Variants in ARHGEF28 observed in about 807,000 individuals in gnomAD.
ARHGEF28 encodes Rho guanine nucleotide exchange factor 28, also known as 190 kDa guanine nucleotide exchange factor.
In ARHGEF28, 152 loss-of-function variants were observed where a neutral mutation model predicts 206.6. The ratio of observed to expected loss-of-function variants is 0.74; its 90% CI spans 0.64 to 0.84. The LOEUF (loss-of-function observed/expected upper bound fraction) is 0.84. Among genes scored for constraint, ARHGEF28 ranks in the 40% least tolerant of loss-of-function variants. The pLI is 0.00. For missense variants in ARHGEF28, 2,028 were observed against 2,073.2 expected, an observed-to-expected ratio of 0.98 and a Z score of 0.42; for synonymous variants, 763 against 776.4, an observed-to-expected ratio of 0.98 and a Z score of 0.29.
intron 9 of ARHGEF28, among the ~76,000 whole-genome samples, chr5:73,816,481 T>C (rs554832155): frequency 1.3e-5 from 2 of 152,310 alleles, no homozygotes; most frequent in South Asian, 4.2e-4. Context: ...TACTGGCTTG[T>C]TGGCAAACCT....
In ARHGEF28 at chr5:73,857,582, C is replaced by T; in HGVS notation, c.1791-74C>T. On this transcript the variant is annotated intron_variant, in intron 14 of 35. Transcript: ENST00000513042. The stretch of plus-strand genomic sequence containing the variant: ...ATATGTGTACACACACACACACACA[C>T]ACACATACACACACACGTATATGCT... 3 of 1,399,112 alleles carry T rather than the reference C, an allele frequency of 2.1e-6. No homozygotes were observed. The Admixed American group carries it at 6.8e-5, about 32-fold the overall frequency. The allele number at this position is 1,399,112 out of a possible 1,614,324, so 86.7% of individuals were successfully genotyped here.
In ARHGEF28 at chr5:73,846,119, A is replaced by T; in HGVS notation, c.1428-149A>T. On this transcript the variant is annotated intron_variant, in intron 11 of 35. Transcript: ENST00000513042. ...AAAGAGATTTGGAGGGAGGAGAAAA[A>T]GGCTAATTAAATACTAGTTGGAAAT... 3 of 679,634 alleles carry T rather than the reference A, an allele frequency of 4.4e-6. No individual in the cohort carries two copies. In the South Asian group the frequency reaches 6.0e-5, roughly 14 times the overall value. 42.1% of individuals were successfully genotyped at this position (679,634 alleles called of 1,614,324 possible). A position where few individuals can be genotyped will look rare whatever the true frequency, so the allele number is the denominator to read the frequency against.
intron 28 of ARHGEF28, 82 bp downstream of exon 28, chr5:73,893,370 T>G: frequency 8.9e-7 from 1 of 1,125,982 alleles, no homozygotes. Flanking sequence ...AACAGGAGGT[T>G]ATAACTACAT....
Position 73,840,462 on chromosome 5 carries a change from TTTTC to T in ARHGEF28, c.1147-13_1147-10del. On this transcript the variant is annotated splice_polypyrimidine_tract_variant and intron_variant, in intron 10 of 35. Transcript: ENST00000513042. Reference sequence around the variant, plus strand: ...TTACCTGCTTTTACTCAGGAAATGTTTTTCTTTCAACTTCCAGGTTGGTGATTTG... The same window carrying T: ...TTACCTGCTTTTACTCAGGAAATGTTTTTCAACTTCCAGGTTGGTGATTTG... 6.2e-7 allele frequency: 1 copy of T among 1,606,514 alleles called. No individual in the cohort carries two copies. Among genetic ancestry groups the T allele is most frequent in the Non-Finnish European group, 8.5e-7 (1 of 1,175,554 alleles).
chr5:73,778,647 G>A (rs1009863515), intron 6 of ARHGEF28, among the ~76,000 whole-genome samples: 2 of 152,054 alleles, frequency 1.3e-5, no homozygotes, highest in African/African-American at 4.8e-5. Flanking sequence ...TATGGCTTCC[G>A]AAGACCTTAA....
intron 26 of ARHGEF28, among the ~76,000 whole-genome samples, chr5:73,888,104 C>A (rs1761411286): frequency 6.6e-6 from 1 of 152,206 alleles, no homozygotes; most frequent in Admixed American, 6.5e-5. Flanking sequence ...CTGGGCACAG[C>A]CAATCTCTTC....
chr5:73,729,305 T>G (rs1750465863), intron 2 of ARHGEF28, among the ~76,000 whole-genome samples: 1 of 152,196 alleles, frequency 6.6e-6, no homozygotes. Flanking sequence ...AGAACTGAGA[T>G]TGACAGGTTG....
At chr5:73,720,007 C>A (rs1274804864) in intron 2 of ARHGEF28, among the ~76,000 whole-genome samples, 1 of 152,224 alleles carries the variant, frequency 6.6e-6, no homozygotes, top group East Asian at 1.9e-4. Context: ...GAAGAATGAG[C>A]AGGCACAGAT....
intron 1 of ARHGEF28, among the ~76,000 whole-genome samples, chr5:73,628,575 T>C (rs949471847): frequency 2.3e-4 from 35 of 152,346 alleles, no homozygotes; most frequent in African/African-American, 7.7e-4. Flanking sequence ...TTGCTTTTAG[T>C]GAAGCAGAGT....
At chr5:73,933,877 T>A (rs983492217) in intron 35 of ARHGEF28, among the ~76,000 whole-genome samples, 2 of 151,836 alleles carry the variant, frequency 1.3e-5, no homozygotes, top group African/African-American at 4.8e-5. Context: ...TTACTTAAAA[T>A]CATGCTGTCA....
chr5:73,865,938 T>G (rs1759677078), intron 17 of ARHGEF28, 27 bp from the exon 18 acceptor site: 2 of 1,501,336 alleles, frequency 1.3e-6, no homozygotes, highest in South Asian at 2.3e-5. Context: ...TGATCTTACT[T>G]TATGTGTTTC....
intron 2 of ARHGEF28, among the ~76,000 whole-genome samples, chr5:73,701,695 G>A (rs571913407): frequency 2.0e-5 from 3 of 151,996 alleles, no homozygotes; most frequent in Admixed American, 2.0e-4. Context: ...TGTTATATAT[G>A]TGTGAAGTAA....
Position 73,893,212 on chromosome 5 carries a change from A to G in ARHGEF28, c.3582A>G (p.Lys1194=). 1.3e-6 allele frequency: 2 copies of G among 1,550,292 alleles called. No homozygotes were observed. Among genetic ancestry groups the G allele is most frequent in the Non-Finnish European group, 1.7e-6 (2 of 1,147,510 alleles). Residue 1194 remains lysine (K), a synonymous_variant, in exon 28 of 36, where the codon AAA becomes AAG. Coordinates refer to ENST00000513042, the MANE Select transcript of ARHGEF28 (RefSeq NM_001177693.2). ...QQAVESCPEE[K]GGRTSESDED... ...TCTTTTAAAGTTGTCCTGAAGAAAA[A>G]GGGGGAAGGACAAGTGAATCTGATG...
At position 73,876,656 on chromosome 5, in the gene ARHGEF28, T is replaced by C. The variant is rs1215974595; in HGVS notation, c.2814+3410T>C. 4.0e-5 allele frequency among the ~76,000 whole-genome samples: 6 copies of C among 150,530 alleles called. No individual in the cohort carries two copies. The East Asian group carries it at 9.9e-4, about 25-fold the overall frequency. ...GGGTTGTTGAATTTTGTCAAAGGCC[T>C]TTTCTGCATCTATTGAGATAATCGT... On this transcript the variant is annotated intron_variant, in intron 22 of 35. Coordinates refer to ENST00000513042, the MANE Select transcript of ARHGEF28 (RefSeq NM_001177693.2).
chr5:73,754,667 A>T (rs1295551044), intron 4 of ARHGEF28, among the ~76,000 whole-genome samples: 1 of 152,066 alleles, frequency 6.6e-6, no homozygotes, highest in African/African-American at 2.4e-5. Flanking sequence ...TGCACATTTT[A>T]AATTTCTACA....
intron 2 of ARHGEF28, among the ~76,000 whole-genome samples, chr5:73,734,232 G>T (rs567458564): frequency 6.6e-6 from 1 of 152,302 alleles, no homozygotes; most frequent in Admixed American, 6.5e-5. Flanking sequence ...AGAGAGAAAA[G>T]AGAAGAATAG....
At chr5:73,761,558 G>A (rs886070392) in intron 4 of ARHGEF28, among the ~76,000 whole-genome samples, 1 of 152,114 alleles carries the variant, frequency 6.6e-6, no homozygotes, top group Non-Finnish European at 1.5e-5. Context: ...TGTTGTTTAA[G>A]AGGCCTTGTC....
chr5:73,882,651 T>A, intron 23 of ARHGEF28, 57 bp downstream of exon 23: 1 of 1,369,952 alleles, frequency 7.3e-7, no homozygotes, highest in Non-Finnish European at 9.7e-7. Flanking sequence ...AAATAGTTTA[T>A]GCTTGTTTCT....
chr5:73,667,551 C>A (rs973889050), intron 1 of ARHGEF28, among the ~76,000 whole-genome samples: 2 of 152,182 alleles, frequency 1.3e-5, no homozygotes, highest in Non-Finnish European at 2.9e-5. Flanking sequence ...GTCATTCTCC[C>A]ATCATCTTGA....
Sources: gnomAD v4.1 joint callset for allele counts (sites outside exome capture counted in the v4.1 genomes callset) on GRCh38, gnomAD v4.1.1 for gene constraint, MANE v1.5 for transcripts, NCBI Gene and HGNC (gene_info 2026-07-23, HGNC 2026-07-21) for gene names.